LPCAT1: variants seen among roughly 807,000 people sequenced by gnomAD.
LPCAT1 encodes lysophosphatidylcholine acyltransferase 1, also known as 1-acylglycerol-3-phosphate O-acyltransferase.
In LPCAT1, 23 loss-of-function variants were observed where a neutral mutation model predicts 60.9. That is an observed-to-expected ratio of 0.38 (90% CI 0.27 to 0.53). The LOEUF is 0.53. Among genes scored for constraint, LPCAT1 ranks in the 20% least tolerant of loss-of-function variants. The pLI is 0.82. For missense variants in LPCAT1, 622 were observed against 723.6 expected (o/e 0.86, Z 1.61); for synonymous variants, 340 against 301.1 (o/e 1.13, Z -1.34).
chr5:1,466,511 G>A (rs1362219895), intron 13 of LPCAT1, among the ~76,000 whole-genome samples: 1 of 152,220 alleles, frequency 6.6e-6, no homozygotes, highest in Non-Finnish European at 1.5e-5. Context: ...TCGGAACTGG[G>A]CTTGGAGTTT....
rs771546826 is a variant in LPCAT1 at position 1,481,375 on chromosome 5, C to T, written c.727-399G>A. ...GGGGACACCAATTCCAGTGTGCACCCGGGACCCCGGCCCTCTCCTGCCCAC... is the reference window on the plus strand; with the variant it reads ...GGGGACACCAATTCCAGTGTGCACCTGGGACCCCGGCCCTCTCCTGCCCAC... On this transcript the variant is annotated intron_variant, in intron 6 of 13. Transcript: ENST00000283415. This position sits in a 1 kb window ranked among gnomAD's most constrained non-coding sequence, Gnocchi z 7.8. Among the ~76,000 whole-genome samples the T allele has an allele frequency of 6.6e-6, 1 of 152,126 alleles. No homozygotes were observed. The highest frequency in any genetic ancestry group is 2.4e-5 in the African/African-American group (1 of 41,382).
chr5:1,484,298 C>T (rs1354320773), intron 5 of LPCAT1, among the ~76,000 whole-genome samples: 1 of 152,254 alleles, frequency 6.6e-6, no homozygotes, highest in Admixed American at 6.5e-5. Flanking sequence ...TTCTCACTGG[C>T]CGGAGTTGTG....
rs1736067119 is a variant in LPCAT1 at position 1,502,840 on chromosome 5, G to A, written c.136-1237C>T. Among the ~76,000 whole-genome samples the A allele has an allele frequency of 6.6e-6, 1 of 152,064 alleles. No homozygotes were observed. Among genetic ancestry groups the A allele is most frequent in the Non-Finnish European group, 1.5e-5 (1 of 68,018 alleles). ...TAGATTCTTTTGAGTTCTCAACGGA[G>A]ACCAGCATAGCCCAAGAGAAACATG... On this transcript the variant is annotated intron_variant, in intron 1 of 13. Coordinates refer to ENST00000283415, the MANE Select transcript of LPCAT1 (RefSeq NM_024830.5). The surrounding 1 kb of genome is among the most constrained non-coding windows in gnomAD (Gnocchi z 5.5).
rs1014506765 is a variant in LPCAT1, at chr5:1,521,265, T to C, written c.135+2445A>G. On this transcript the variant is annotated intron_variant, in intron 1 of 13. Coordinates refer to ENST00000283415, the MANE Select transcript of LPCAT1 (RefSeq NM_024830.5). The surrounding 1 kb of genome is among the most constrained non-coding windows in gnomAD (Gnocchi z 4.3). ...CAGATGGGCTGGCTGGAGGAGGAGG[T>C]GTCCCCGCATGGCGCTAATCCGAAG... 2.0e-4 allele frequency: 178 copies of C among 895,950 alleles called. No individual in the cohort carries two copies. Among genetic ancestry groups the C allele is most frequent in the Middle Eastern group, 5.6e-4 (1 of 1,772 alleles). The allele number at this position is 895,950 out of a possible 1,614,324, so 55.5% of individuals were successfully genotyped here.
At chr5:1,464,315 G>A (rs372312158) in intron 13 of LPCAT1, among the ~76,000 whole-genome samples, 1 of 152,180 alleles carries the variant, frequency 6.6e-6, no homozygotes, top group Non-Finnish European at 1.5e-5. Flanking sequence ...TCTCATGTGA[G>A]CGCCCTCGGC....
chr5:1,498,726 CCA>C (rs982740368), intron 2 of LPCAT1, among the ~76,000 whole-genome samples: 2 of 152,118 alleles, frequency 1.3e-5, no homozygotes, highest in Non-Finnish European at 2.9e-5. Context: ...AGACATCCAT[CCA>C]CACATATATA....
Position 1,521,339 on chromosome 5 carries a change from G to C in LPCAT1, c.135+2371C>G, listed in dbSNP as rs1736672009. ...GGCAAATGCTCACAGGTAAATGCAG[G>C]TACTCACTGGTTTATCTCAACTGGG... On this transcript the variant is annotated intron_variant, in intron 1 of 13. Coordinates refer to ENST00000283415, the MANE Select transcript of LPCAT1 (RefSeq NM_024830.5). The surrounding 1 kb of genome is among the most constrained non-coding windows in gnomAD (Gnocchi z 4.3). 7 of 985,418 alleles carry C rather than the reference G, an allele frequency of 7.1e-6. No homozygotes were observed. The highest frequency in any genetic ancestry group is 7.2e-6 in the Non-Finnish European group (6 of 829,930). 61.0% of individuals were successfully genotyped at this position (985,418 alleles called of 1,614,324 possible).
At position 1,523,086 on chromosome 5, in the gene LPCAT1, G is replaced by C. The variant is rs1352738098; in HGVS notation, c.135+624C>G. Among the ~76,000 whole-genome samples the C allele has an allele frequency of 1.3e-5, 2 of 152,230 alleles. No homozygotes were observed. Among genetic ancestry groups the C allele is most frequent in the South Asian group, 4.1e-4 (2 of 4,834 alleles). ...AGGAGCGAAGCATGCACCCCAGAAG[G>C]CAACGTGCGGCCGCAGAGCAGGGAG... On this transcript the variant is annotated intron_variant, in intron 1 of 13. Coordinates refer to ENST00000283415, the MANE Select transcript of LPCAT1 (RefSeq NM_024830.5). This position sits in a 1 kb window ranked among gnomAD's most constrained non-coding sequence, Gnocchi z 7.1.
rs1407694532 is a variant in LPCAT1 at position 1,523,921 on chromosome 5, C to T, written c.-77G>A. 2 of 960,598 alleles carry T rather than the reference C, an allele frequency of 2.1e-6. No individual in the cohort carries two copies. The highest frequency in any genetic ancestry group is 1.8e-5 in the African/African-American group (1 of 55,676). The allele number at this position is 960,598 out of a possible 1,614,324, so 59.5% of individuals were successfully genotyped here. A position where few individuals can be genotyped will look rare whatever the true frequency, so the allele number is the denominator to read the frequency against. The stretch of plus-strand genomic sequence containing the variant: ...GGGCCGGGGCTAGCTGGGCGCGGGT[C>T]TCGGGGCGCGGGCCGAGGATGCGCG... On this transcript the variant is annotated 5_prime_UTR_variant, in exon 1 of 14. Coordinates refer to ENST00000283415, the MANE Select transcript of LPCAT1 (RefSeq NM_024830.5). This position sits in a 1 kb window ranked among gnomAD's most constrained non-coding sequence, Gnocchi z 7.1.
chr5:1,464,718 C>T (rs1355061620), intron 13 of LPCAT1, among the ~76,000 whole-genome samples: 5 of 144,780 alleles, frequency 3.5e-5, no homozygotes, highest in South Asian at 2.2e-4. Flanking sequence ...AGAGCACACA[C>T]GGTAAACACA....
intron 12 of LPCAT1, among the ~76,000 whole-genome samples, chr5:1,468,196 A>T (rs1042025167): frequency 3.3e-5 from 5 of 151,516 alleles, no homozygotes; most frequent in Non-Finnish European, 7.4e-5. Context: ...GGCTCTGGAG[A>T]CCCCATCCTC....
In LPCAT1 at chr5:1,466,826, G is replaced by A; in HGVS notation, c.1343C>T (p.Ala448Val). The part of the protein sequence containing the change: ...EGDLSCILKT[A>V]LGVAELTVTD... ...CACGGTGAGCTCTGCCACCCCCAGG[G>A]CCGTCTTGAGGATGCAGGACAGGTC... The change falls in exon 13 of 14, where the codon GCC becomes GTC. Residue 448 changes from alanine to valine, a missense_variant. Around this residue, in one of 3 missense-constraint regions of LPCAT1, gnomAD observed 288 missense variants for 283.6 expected, o/e 1.02. Transcript: ENST00000283415. The A allele has an allele frequency of 1.2e-6, 2 of 1,613,466 alleles. No homozygotes were observed. Among genetic ancestry groups the A allele is most frequent in the East Asian group, 2.2e-5 (1 of 44,848 alleles).
At chr5:1,518,079 G>A (rs1042899730) in intron 1 of LPCAT1, among the ~76,000 whole-genome samples, 5 of 152,220 alleles carry the variant, frequency 3.3e-5, no homozygotes, top group African/African-American at 4.8e-5. Flanking sequence ...CAGGGTTCTC[G>A]CCCCACTCTG....
chr5:1,472,207 G>T (rs943483399), intron 11 of LPCAT1, among the ~76,000 whole-genome samples: 5 of 151,298 alleles, frequency 3.3e-5, no homozygotes, highest in African/African-American at 1.2e-4. Context: ...GAGGTGAGGA[G>T]CACCCAGGGG....
Position 1,480,849 on chromosome 5 carries a change from G to A in LPCAT1, c.761+93C>T, listed in dbSNP as rs567823337. The stretch of plus-strand genomic sequence containing the variant: ...CTGTCCCACACCTGCTTTCACAACT[G>A]CAAAAGTAACTAGCGTGCACAGCAG... On this transcript the variant is annotated intron_variant, in intron 7 of 13. Transcript: ENST00000283415. The surrounding 1 kb of genome is among the most constrained non-coding windows in gnomAD (Gnocchi z 6.4). The A allele has an allele frequency of 3.4e-6, 5 of 1,478,676 alleles. No individual in the cohort carries two copies. The South Asian group carries it at 4.5e-5, about 13-fold the overall frequency. The allele number at this position is 1,478,676 out of a possible 1,614,324, so 91.6% of individuals were successfully genotyped here.
intron 2 of LPCAT1, 32 bp downstream of exon 2, chr5:1,501,429 C>T: frequency 1.9e-6 from 3 of 1,583,592 alleles, no homozygotes; most frequent in Non-Finnish European, 2.6e-6. Context: ...GACCCCCCCC[C>T]AGGAGGAGAG....
Position 1,523,589 on chromosome 5 carries a change from G to C in LPCAT1, c.135+121C>G, listed in dbSNP as rs1466153043. The C allele has an allele frequency of 1.5e-6, 1 of 656,578 alleles. No individual in the cohort carries two copies. Among genetic ancestry groups the C allele is most frequent in the Non-Finnish European group, 1.9e-6 (1 of 526,048 alleles). 40.7% of individuals were successfully genotyped at this position (656,578 alleles called of 1,614,324 possible). ...GGCCGCGGGGAGGGAAGGCGCCGCG[G>C]CTCGCAGGGCCGCGCCGCGCCCCAG... On this transcript the variant is annotated intron_variant, in intron 1 of 13. Transcript: ENST00000283415. The surrounding 1 kb of genome is among the most constrained non-coding windows in gnomAD (Gnocchi z 7.1).
chr5:1,509,676 A>C (rs1385144342), intron 1 of LPCAT1, among the ~76,000 whole-genome samples: 1 of 152,150 alleles, frequency 6.6e-6, no homozygotes, highest in Non-Finnish European at 1.5e-5. Context: ...CTGTCTCCCC[A>C]ATCACCAAAA....
chr5:1,479,196 G>A (rs753587853), intron 8 of LPCAT1, among the ~76,000 whole-genome samples: 1 of 152,212 alleles, frequency 6.6e-6, no homozygotes, highest in African/African-American at 2.4e-5. Flanking sequence ...AGGAGTTTGA[G>A]ACCAGCCTAG....
Sources: gnomAD v4.1 joint callset for allele counts (sites outside exome capture counted in the v4.1 genomes callset) on GRCh38, gnomAD v4.1.1 for gene constraint, gnomAD v4.1.1 regional missense constraint, Gnocchi (gnomAD v3.1) non-coding constraint, MANE v1.5 for transcripts, NCBI Gene and HGNC (gene_info 2026-07-23, HGNC 2026-07-21) for gene names.